TBC1D5: variants seen among roughly 807,000 people sequenced by gnomAD.
TBC1D5 encodes TBC1 domain family, member 5.
TBC1D5 carries 75 observed loss-of-function variants against 100.3 expected under a neutral mutation model. That is an observed-to-expected ratio of 0.75 (90% confidence interval 0.62 to 0.91). TBC1D5 has a LOEUF of 0.91. TBC1D5 is among the 40% of genes least tolerant of loss of function. The pLI, the probability that TBC1D5 is intolerant of heterozygous loss-of-function variation, is 0.00. For synonymous variants in TBC1D5, 323 were observed against 325.6 expected, an observed-to-expected ratio of 0.99 and a Z score of 0.09; for missense variants, 910 against 942.4, an observed-to-expected ratio of 0.97 and a Z score of 0.45.
At chr3:17,721,651 GAC>G (rs1577788662) in intron 1 of TBC1D5, among the ~76,000 whole-genome samples, 1 of 151,972 alleles carries the variant, frequency 6.6e-6, no homozygotes, top group Non-Finnish European at 1.5e-5. Flanking sequence ...TAGCCTGGGC[GAC>G]AGAGTGAGAC....
intron 15 of TBC1D5, among the ~76,000 whole-genome samples, chr3:17,290,645 T>A (rs2081629866): frequency 9.2e-5 from 14 of 152,194 alleles, no homozygotes; most frequent in Admixed American, 9.2e-4. Context: ...TTGACAGATA[T>A]TTTGTCATCT....
intron 20 of TBC1D5, 126 bp downstream of exon 21, chr3:17,167,623 G>A (rs886763049): frequency 9.2e-5 from 71 of 768,892 alleles, no homozygotes; most frequent in Non-Finnish European, 1.4e-4. Flanking sequence ...TGCAGAAGGG[G>A]CTCTGTCTGG....
rs542172728 is a variant in TBC1D5, at chr3:17,360,590, G to A, written c.995+11485C>T. Among the ~76,000 whole-genome samples, 3 of 151,834 alleles carry A rather than the reference G, an allele frequency of 2.0e-5. 1 individual carries two copies. The highest frequency in any genetic ancestry group is 1.3e-4 in the Admixed American group (2 of 15,260). ...GTATCTAGCATATTTTGTTTCAATC[G>A]CCTCAATTCTTATTTAGAAATATAC... is the stretch of plus-strand genomic sequence containing the variant. On this transcript the variant is annotated intron_variant, in intron 13 of 21. Transcript: ENST00000253692.
chr3:17,731,996 G>A (rs2076598940), intron 1 of TBC1D5, among the ~76,000 whole-genome samples: 1 of 152,260 alleles, frequency 6.6e-6, no homozygotes, highest in South Asian at 2.1e-4. Flanking sequence ...AAAGTTCAGG[G>A]AGGAAATCAG....
At chr3:17,493,643 A>G (rs2095666244) in intron 3 of TBC1D5, among the ~76,000 whole-genome samples, 1 of 151,992 alleles carries the variant, frequency 6.6e-6, no homozygotes, top group African/African-American at 2.4e-5. Flanking sequence ...TCTTTTCTCT[A>G]ATCTTGTCTG....
At chr3:17,408,704 C>T (rs1243339392) in intron 4 of TBC1D5, among the ~76,000 whole-genome samples, 3 of 152,212 alleles carry the variant, frequency 2.0e-5, no homozygotes, top group East Asian at 1.9e-4. Context: ...GTTTTTCATA[C>T]ATTAAAGACA....
intron 15 of TBC1D5, among the ~76,000 whole-genome samples, chr3:17,281,256 T>C (rs1055982818): frequency 6.6e-6 from 1 of 152,212 alleles, no homozygotes; most frequent in Admixed American, 6.5e-5. Context: ...GCTAAATGAA[T>C]AAAAATAGTA....
chr3:17,226,462 C>G (rs1429117205), intron 17 of TBC1D5, among the ~76,000 whole-genome samples: 1 of 152,082 alleles, frequency 6.6e-6, no homozygotes, highest in Non-Finnish European at 1.5e-5. Context: ...TTTCCCCCAG[C>G]TGCTGGAAAT....
intron 12 of TBC1D5, among the ~76,000 whole-genome samples, chr3:17,373,185 T>C (rs1019789543): frequency 6.6e-6 from 1 of 152,180 alleles, no homozygotes. Flanking sequence ...TAAAAACAGA[T>C]GGTAGGCCAA....
chr3:17,700,651 C>T (rs1422083609), intron 1 of TBC1D5, among the ~76,000 whole-genome samples: 2 of 152,076 alleles, frequency 1.3e-5, no homozygotes, highest in Non-Finnish European at 2.9e-5. Flanking sequence ...CAAACAACCC[C>T]ATCAAAAAGT....
intron 3 of TBC1D5, among the ~76,000 whole-genome samples, chr3:17,431,148 A>T (rs2094441004): frequency 6.6e-6 from 1 of 151,956 alleles, no homozygotes; most frequent in East Asian, 1.9e-4. Flanking sequence ...GTTTCCCAAA[A>T]ATAACAACAG....
At chr3:17,589,278 C>T (rs901343456) in intron 2 of TBC1D5, among the ~76,000 whole-genome samples, 1 of 152,204 alleles carries the variant, frequency 6.6e-6, no homozygotes, top group African/African-American at 2.4e-5. Flanking sequence ...GCTACAACAA[C>T]TTAAGTATTC....
chr3:17,414,832 C>G (rs2094023541), intron 4 of TBC1D5, among the ~76,000 whole-genome samples: 1 of 151,976 alleles, frequency 6.6e-6, no homozygotes, highest in South Asian at 2.1e-4. Context: ...TTTTTCTCCT[C>G]CATAATGAAA....
intron 13 of TBC1D5, among the ~76,000 whole-genome samples, chr3:17,316,744 G>A (rs2084748384): frequency 6.6e-6 from 1 of 152,150 alleles, no homozygotes; most frequent in Non-Finnish European, 1.5e-5. Flanking sequence ...ACTATCTTGG[G>A]AAAATGTCCA....
At chr3:17,715,124 A>C (rs373875362) in intron 1 of TBC1D5, among the ~76,000 whole-genome samples, 51 of 152,352 alleles carry the variant, frequency 3.3e-4, no homozygotes, top group African/African-American at 8.7e-4. Flanking sequence ...ATTTTAAAAG[A>C]TATATTTACT....
intron 1 of TBC1D5, among the ~76,000 whole-genome samples, chr3:17,724,376 T>C (rs1242369351): frequency 6.6e-6 from 1 of 152,196 alleles, no homozygotes; most frequent in Admixed American, 6.6e-5. Context: ...GTTACAGGCA[T>C]GAGCCACCAC....
At chr3:17,586,956 A>G (rs2096736737) in intron 2 of TBC1D5, among the ~76,000 whole-genome samples, 1 of 152,050 alleles carries the variant, frequency 6.6e-6, no homozygotes. Context: ...AAAATCACAT[A>G]ATATAAAAAA....
At chr3:17,693,287 CA>C (rs2071445511) in intron 1 of TBC1D5, among the ~76,000 whole-genome samples, 1 of 152,226 alleles carries the variant, frequency 6.6e-6, no homozygotes, top group African/African-American at 2.4e-5. Flanking sequence ...GGCATTGACT[CA>C]ACCGGGAAGT....
chr3:17,683,509 T>A (rs575501069), intron 1 of TBC1D5, among the ~76,000 whole-genome samples: 6 of 146,660 alleles, frequency 4.1e-5, no homozygotes, highest in East Asian at 1.9e-4. Flanking sequence ...TTAAGAAAGA[T>A]GACTAAATGT....
Sources: allele counts gnomAD v4.1 joint callset (sites outside exome capture counted in the v4.1 genomes callset), GRCh38; gene constraint gnomAD v4.1.1; transcripts MANE v1.5; gene names NCBI Gene and HGNC (gene_info 2026-07-23, HGNC 2026-07-21).